The following SEZ6 variants were observed in gnomAD, a reference collection of about 807,000 sequenced individuals.
SEZ6 encodes the protein seizure protein 6 homolog.
A neutral mutation model predicts 101.0 loss-of-function variants in SEZ6; 53 were observed. That is an observed-to-expected ratio of 0.52 (90% CI 0.42 to 0.66). The LOEUF is 0.66. Ranked by LOEUF, SEZ6 falls within the 30% of genes least tolerant of loss-of-function variation. The pLI is 0.00. For missense variants in SEZ6, 1,102 were observed against 1,289.4 expected, an observed-to-expected ratio of 0.85 and a Z score of 2.23; for synonymous variants, 488 against 512.2, an observed-to-expected ratio of 0.95 and a Z score of 0.64.
Position 28,959,410 on chromosome 17 carries a change from G to A in SEZ6, c.1834C>T (p.Pro612Ser). The change falls in exon 9 of 17, where the codon CCC becomes TCC. Residue 612 changes from proline (P) to serine (S), a missense_variant. Coordinates refer to ENST00000317338, the MANE Select transcript of SEZ6 (RefSeq NM_178860.5). This position sits in a 1 kb window ranked among gnomAD's most constrained non-coding sequence, Gnocchi z 4.4. ...GVVLSPNWPE[P>S]YGRGQDCIWG... ...ATACAATCCTGCCCACGACCGTAGG[G>A]CTCTGGCCAGTTGGGAGAGAGTACC... is the stretch of plus-strand genomic sequence containing the variant. The A allele has an allele frequency of 6.2e-7, 1 of 1,613,866 alleles. No individual in the cohort carries two copies. Among genetic ancestry groups the A allele is most frequent in the Non-Finnish European group, 8.5e-7 (1 of 1,179,864 alleles).
At chr17:28,960,765 C>G in intron 6 of SEZ6, 40 bp downstream of exon 6, 2 of 1,612,634 alleles carry the variant, frequency 1.2e-6, no homozygotes, top group Non-Finnish European at 1.7e-6. Flanking sequence ...CAGGGTATTA[C>G]CAGGCCAGGC....
At chr17:28,988,723 G>GGGGCACCTCCTCTTGGCC (rs2041417744) in intron 1 of SEZ6, among the ~76,000 whole-genome samples, 1 of 152,208 alleles carries the variant, frequency 6.6e-6, no homozygotes, top group South Asian at 2.1e-4. Flanking sequence ...AATATGAATG[G>GGGGCACCTCCTCTTGGCC]GGGCACCTCC....
intron 5 of SEZ6, among the ~76,000 whole-genome samples, chr17:28,962,543 C>G (rs927324040): frequency 7.2e-5 from 11 of 151,970 alleles, no homozygotes; most frequent in Non-Finnish European, 1.5e-4. Flanking sequence ...CTTTGGGAGG[C>G]CGAGGCAGGT....
chr17:28,998,418 AC>A (rs915723304), intron 1 of SEZ6, among the ~76,000 whole-genome samples: 2 of 151,046 alleles, frequency 1.3e-5, no homozygotes, highest in African/African-American at 4.9e-5. Context: ...GGCCCTGGGG[AC>A]CCAGGGGTAG....
rs1231499126 is a variant in SEZ6, at chr17:28,958,078, G to A, written c.2171C>T (p.Ser724Leu). 3.7e-6 allele frequency: 6 copies of A among 1,611,676 alleles called. No homozygotes were observed. Among genetic ancestry groups the A allele is most frequent in the Non-Finnish European group, 4.2e-6 (5 of 1,178,158 alleles). The change falls in exon 11 of 17, where the codon TCG becomes TTG. Residue 724 changes from serine to leucine, a missense_variant. Transcript: ENST00000317338. ...GGTGCCGTGCACTAGCTCAGGCTGCGATGGGCTCTTCCAGCCATTGGGGAT... is the reference window on the plus strand; with the variant it reads ...GGTGCCGTGCACTAGCTCAGGCTGCAATGGGCTCTTCCAGCCATTGGGGAT... ...PEIPNGWKSP[S>L]QPELVHGTVV... is the part of the protein sequence containing the mutation.
chr17:28,998,874 G>A (rs999754972), intron 1 of SEZ6, among the ~76,000 whole-genome samples: 1 of 152,226 alleles, frequency 6.6e-6, no homozygotes, highest in Admixed American at 6.5e-5. Flanking sequence ...CTGGCCAGGA[G>A]TCTCCTGTCC....
chr17:28,979,745 T>A lies in SEZ6; in HGVS notation c.793A>T (p.Thr265Ser), dbSNP rs1386770938. The change falls in exon 3 of 17, where the codon ACT becomes TCT. Residue 265 changes from threonine to serine, a missense_variant. This residue lies in a region of SEZ6 where 406 missense variants were observed against 418.6 expected (regional missense o/e 0.97). Transcript: ENST00000317338. ...AAGAAGCAGTCCAGGCCAACATCAG[T>A]GGGGGAGCTGAGGTCTGTAGGGGAG... is the stretch of plus-strand genomic sequence containing the variant. ...LDSPTDLSSPTDVGLDCFFYI... is the reference protein window; with the variant it reads ...LDSPTDLSSPSDVGLDCFFYI... The A allele has an allele frequency of 2.5e-6, 4 of 1,613,442 alleles. No individual in the cohort carries two copies. In the African/African-American group the frequency reaches 5.3e-5, roughly 22 times the overall value.
At chr17:28,986,776 G>A (rs2041390556) in intron 1 of SEZ6, among the ~76,000 whole-genome samples, 1 of 152,222 alleles carries the variant, frequency 6.6e-6, no homozygotes. Context: ...GGCGGGGGCT[G>A]CCCACTCAAG....
intron 1 of SEZ6, among the ~76,000 whole-genome samples, chr17:28,992,794 G>A (rs1973542271): frequency 6.6e-6 from 1 of 152,224 alleles, no homozygotes; most frequent in African/African-American, 2.4e-5. Flanking sequence ...CCAGCTAACT[G>A]CCACGTTCTC....
Position 28,959,263 on chromosome 17 carries a change from C to T in SEZ6, c.1911-42G>A, listed in dbSNP as rs147790264. 4.7e-3 allele frequency: 7,620 copies of T among 1,612,664 alleles called. 27 individuals carry two copies. Among genetic ancestry groups the T allele is most frequent in the Non-Finnish European group, 5.4e-3 (6,400 of 1,179,180 alleles). ...TCAGGGCAGAGCCGGCCTGGGGGCCCGAGGATGGGCTGGACAAGGGATATC... is the reference window on the plus strand; with the variant it reads ...TCAGGGCAGAGCCGGCCTGGGGGCCTGAGGATGGGCTGGACAAGGGATATC... On this transcript the variant is annotated intron_variant, in intron 9 of 16. Transcript: ENST00000317338. The surrounding 1 kb of genome is among the most constrained non-coding windows in gnomAD (Gnocchi z 4.4).
chr17:28,980,371 T>G (rs2041282598), intron 2 of SEZ6, among the ~76,000 whole-genome samples: 2 of 144,776 alleles, frequency 1.4e-5, no homozygotes, highest in African/African-American at 5.1e-5. Context: ...CATGCCTGGC[T>G]ATTTTTTTTT....
Position 29,005,078 on chromosome 17 carries a change from G to GGTGTGTGTGTGTGTGTGTGT in SEZ6, c.55+717_55+736dup, listed in dbSNP as rs58063439. 7.3e-6 allele frequency among the ~76,000 whole-genome samples: 1 copy of GGTGTGTGTGTGTGTGTGTGT among 137,676 alleles called. No individual in the cohort carries two copies. The highest frequency in any genetic ancestry group is 1.6e-5 in the Non-Finnish European group (1 of 63,688). The allele number at this position is 137,676 out of a possible 152,430, so 90.3% of individuals were successfully genotyped here. A position where few individuals can be genotyped will look rare whatever the true frequency, so the allele number is the denominator to read the frequency against. ...GGAGGGAGGCAGAGCTCGGGGCAGT[G>GGTGTGTGTGTGTGTGTGTGT]GTGTGTGTGTGTGTGTGTGTGTGTG... On this transcript the variant is annotated intron_variant, in intron 1 of 16. Transcript: ENST00000317338. The surrounding 1 kb of genome is among the most constrained non-coding windows in gnomAD (Gnocchi z 4.8).
intron 4 of SEZ6, among the ~76,000 whole-genome samples, chr17:28,966,551 G>A (rs1191248012): frequency 1.3e-5 from 2 of 152,156 alleles, no homozygotes; most frequent in African/African-American, 4.8e-5. Context: ...TCAAGGAGAG[G>A]CTGAGAGGCT....
chr17:28,995,007 G>A (rs1015205645), intron 1 of SEZ6, among the ~76,000 whole-genome samples: 6 of 151,614 alleles, frequency 4.0e-5, no homozygotes, highest in African/African-American at 1.5e-4. Flanking sequence ...CGAGTAGCTA[G>A]GACTACAGGC....
chr17:28,978,869 G>A lies in SEZ6; in HGVS notation c.858+811C>T, dbSNP rs545416264. Among the ~76,000 whole-genome samples, 3 of 152,166 alleles carry A rather than the reference G, an allele frequency of 2.0e-5. No homozygotes were observed. The South Asian group carries it at 6.2e-4, about 32-fold the overall frequency. On this transcript the variant is annotated intron_variant, in intron 3 of 16. Coordinates refer to ENST00000317338, the MANE Select transcript of SEZ6 (RefSeq NM_178860.5). ...CCACATGTGGTTGTGGGGATGGAGG[G>A]AGAGAAGCAGAGAGATTTAGAGGGG...
chr17:28,963,235 C>G (rs2041013766), intron 5 of SEZ6, among the ~76,000 whole-genome samples: 1 of 152,162 alleles, frequency 6.6e-6, no homozygotes, highest in Non-Finnish European at 1.5e-5. Context: ...CAGACCTGAT[C>G]ACTCAGGACC....
rs75988997 is a variant in SEZ6, at chr17:29,004,986, G to A, written c.55+829C>T. On this transcript the variant is annotated intron_variant, in intron 1 of 16. Transcript: ENST00000317338. Reference sequence around the variant, plus strand: ...GGGGATTCTCAGGGTGTGGGGAACAGGTCCTCCAGAGACAAATCTGCCTTG... The same window carrying A: ...GGGGATTCTCAGGGTGTGGGGAACAAGTCCTCCAGAGACAAATCTGCCTTG... 1.0e-3 allele frequency among the ~76,000 whole-genome samples: 158 copies of A among 152,264 alleles called. 1 individual carries two copies. The East Asian group carries it at 0.029, about 28-fold the overall frequency.
At chr17:28,996,762 C>T (rs2041548845) in intron 1 of SEZ6, among the ~76,000 whole-genome samples, 1 of 152,168 alleles carries the variant, frequency 6.6e-6, no homozygotes, top group Admixed American at 6.5e-5. Flanking sequence ...TTCCTCTCCC[C>T]AGAACCTCAG....
intron 1 of SEZ6, among the ~76,000 whole-genome samples, chr17:29,000,398 C>T (rs554728125): frequency 9.6e-4 from 147 of 152,352 alleles, no homozygotes; most frequent in African/African-American, 3.5e-3. Context: ...TAATATCTTA[C>T]TGCGAGTACT....
Sources: gnomAD v4.1 joint callset for allele counts (sites outside exome capture counted in the v4.1 genomes callset) on GRCh38, gnomAD v4.1.1 for gene constraint, gnomAD v4.1.1 regional missense constraint, Gnocchi (gnomAD v3.1) non-coding constraint, MANE v1.5 for transcripts, NCBI Gene and HGNC (gene_info 2026-07-23, HGNC 2026-07-21) for gene names.